Variants in ARHGAP39 observed in about 807,000 individuals in gnomAD.
ARHGAP39 encodes the protein Rho GTPase activating protein 39.
A neutral mutation model predicts 106.9 loss-of-function variants in ARHGAP39; 44 were observed. That is an observed-to-expected ratio of 0.41 (90% CI 0.32 to 0.53). The LOEUF is 0.53. ARHGAP39 is among the 20% of genes least tolerant of loss of function. The pLI, the probability that ARHGAP39 is intolerant of heterozygous loss-of-function variation, is 0.21. For synonymous variants in ARHGAP39, 768 were observed against 693.2 expected (o/e 1.11, Z -1.69); for missense variants, 1,496 against 1,577.3 (o/e 0.95, Z 0.87).
At chr8:144,543,720 G>C (rs971649359) in intron 6 of ARHGAP39, among the ~76,000 whole-genome samples, 1 of 152,256 alleles carries the variant, frequency 6.6e-6, no homozygotes, top group Non-Finnish European at 1.5e-5. Flanking sequence ...AGTGTGAAGG[G>C]CAGCAGCCTG....
At chr8:144,563,672 A>G (rs961420009) in intron 3 of ARHGAP39, among the ~76,000 whole-genome samples, 1 of 152,056 alleles carries the variant, frequency 6.6e-6, no homozygotes, top group African/African-American at 2.4e-5. Context: ...ACAGTGGCAT[A>G]TGCCTATAGT....
intron 2 of ARHGAP39, among the ~76,000 whole-genome samples, chr8:144,598,108 G>A (rs1002503564): frequency 7.2e-5 from 11 of 152,216 alleles, no homozygotes; most frequent in South Asian, 4.1e-4. Context: ...GGAGCAGCCC[G>A]GGGAAGTCCA....
At chr8:144,649,720 A>G (rs558926685) in intron 1 of ARHGAP39, among the ~76,000 whole-genome samples, 1 of 152,350 alleles carries the variant, frequency 6.6e-6, no homozygotes, top group East Asian at 1.9e-4. Flanking sequence ...CTTGGGTGAC[A>G]AAATGAGACC....
At chr8:144,631,883 A>G (rs1821071314) in intron 1 of ARHGAP39, among the ~76,000 whole-genome samples, 1 of 152,236 alleles carries the variant, frequency 6.6e-6, no homozygotes, top group Non-Finnish European at 1.5e-5. Context: ...AAGAACTGAG[A>G]GCAAGAGTCT....
chr8:144,537,171 G>A (rs774498385), intron 7 of ARHGAP39, among the ~76,000 whole-genome samples: 19 of 151,984 alleles, frequency 1.3e-4, no homozygotes, highest in Non-Finnish European at 1.9e-4. Context: ...GAAGCTGTGT[G>A]AGAGTGTGGG....
At chr8:144,581,417 G>GC in intron 2 of ARHGAP39, 140 bp from the exon 3 acceptor site, 1 of 984,088 alleles carries the variant, frequency 1.0e-6, no homozygotes, top group Non-Finnish European at 1.5e-6. Flanking sequence ...AGCCCAGTCC[G>GC]CCCCTGACTG....
chr8:144,545,109 G>A, intron 6 of ARHGAP39, 140 bp downstream of exon 6: 1 of 728,572 alleles, frequency 1.4e-6, no homozygotes, highest in Non-Finnish European at 2.0e-6. Context: ...CCAGAGTGTG[G>A]GGCGTTTTGG....
chr8:144,542,895 C>T (rs1434389604), intron 6 of ARHGAP39, among the ~76,000 whole-genome samples: 1 of 151,178 alleles, frequency 6.6e-6, no homozygotes, highest in Non-Finnish European at 1.5e-5. Context: ...GTCATGATTG[C>T]ACCACTGCAC....
At chr8:144,643,182 G>A (rs1821354942) in intron 1 of ARHGAP39, among the ~76,000 whole-genome samples, 1 of 152,100 alleles carries the variant, frequency 6.6e-6, no homozygotes. Flanking sequence ...CGTATTAAGA[G>A]ATGGTGTGGT....
intron 4 of ARHGAP39, among the ~76,000 whole-genome samples, chr8:144,552,811 T>A (rs555987484): frequency 6.6e-6 from 1 of 152,254 alleles, no homozygotes; most frequent in South Asian, 2.1e-4. Flanking sequence ...TTTTTTTTTT[T>A]CCCTGAGCGA....
intron 1 of ARHGAP39, among the ~76,000 whole-genome samples, chr8:144,609,930 T>G (rs1820432260): frequency 6.6e-6 from 1 of 152,182 alleles, no homozygotes; most frequent in Non-Finnish European, 1.5e-5. Context: ...GTGGCAGAGA[T>G]TCCAGTGAAG....
intron 1 of ARHGAP39, among the ~76,000 whole-genome samples, chr8:144,649,367 G>A (rs1043960560): frequency 2.5e-4 from 38 of 152,156 alleles, no homozygotes; most frequent in African/African-American, 8.7e-4. Flanking sequence ...GGAGAATGGC[G>A]TGAACCCAGG....
At chr8:144,699,277 GTGGGGCGGGGCCT>G in the ARHGAP39 span, 2 of 60,510 alleles carry the variant, frequency 3.3e-5, no homozygotes, top group African/African-American at 1.6e-4. Context: ...GGGCAGGGCA[GTGGGGCGGGGCCT>G]TGGGGCGGGC....
chr8:144,618,716 T>A (rs576989714), intron 1 of ARHGAP39, among the ~76,000 whole-genome samples: 72 of 152,306 alleles, frequency 4.7e-4, no homozygotes, highest in African/African-American at 1.7e-3. Context: ...AGGAAGCGGC[T>A]CCCTGCAACG....
At chr8:144,652,341 T>C (rs935931130) in intron 1 of ARHGAP39, among the ~76,000 whole-genome samples, 1 of 152,174 alleles carries the variant, frequency 6.6e-6, no homozygotes, top group Non-Finnish European at 1.5e-5. Flanking sequence ...GTTCAACCAT[T>C]GTGGAAAGCA....
intron 1 of ARHGAP39, among the ~76,000 whole-genome samples, chr8:144,662,701 A>G (rs1166936319): frequency 2.3e-5 from 3 of 132,770 alleles, no homozygotes; most frequent in Non-Finnish European, 3.2e-5. Context: ...ACTCCCTATT[A>G]TCCACCTTGG....
intron 1 of ARHGAP39, among the ~76,000 whole-genome samples, chr8:144,618,870 C>T (rs1329062712): frequency 1.3e-5 from 2 of 152,264 alleles, no homozygotes; most frequent in Non-Finnish European, 2.9e-5. Context: ...GCACAGCCAC[C>T]GTGGCGGGCA....
the ARHGAP39 span, among the ~76,000 whole-genome samples, chr8:144,695,104 T>C: frequency 7.0e-6 from 1 of 142,756 alleles, no homozygotes; most frequent in Non-Finnish European, 1.5e-5. Context: ...AGCTGGAGTC[T>C]CCCTCTGTGG....
chr8:144,663,945 T>C (rs181127467), intron 1 of ARHGAP39, among the ~76,000 whole-genome samples: 110 of 152,194 alleles, frequency 7.2e-4, no homozygotes, highest in Middle Eastern at 3.4e-3. Context: ...GACAGGCGGA[T>C]CACTTGAGGC....
Sources: gnomAD v4.1 joint callset for allele counts (sites outside exome capture counted in the v4.1 genomes callset) on GRCh38, gnomAD v4.1.1 for gene constraint, MANE v1.5 for transcripts, NCBI Gene and HGNC (gene_info 2026-07-23, HGNC 2026-07-21) for gene names.